The following LCOR variants were observed in gnomAD, a reference collection of about 807,000 sequenced individuals.
LCOR encodes ligand-dependent corepressor.
Under a neutral mutation model 64.4 loss-of-function variants are expected in LCOR, and 14 were observed. The observed-to-expected ratio is 0.22, with a 90% CI of 0.14 to 0.34. The LOEUF is 0.34. Among genes scored for constraint, LCOR ranks in the 10% least tolerant of loss-of-function variants. The probability of loss-of-function intolerance (pLI) is 1.00; values close to 1 mark genes in which losing one functional copy is unlikely to be tolerated. For synonymous variants in LCOR, 643 were observed against 642.5 expected, an observed-to-expected ratio of 1.00 and a Z score of -0.01; for missense variants, 1,686 against 1,765.3, an observed-to-expected ratio of 0.96 and a Z score of 0.80.
chr10:96,977,763 C>G lies in LCOR; in HGVS notation c.333-3030C>G, dbSNP rs578252878. ...CATAGCTCCCTGCAGCCTCGACCCC[C>G]TTGGCTCAAGCGATCCTCCTACCTT... On this transcript the variant is annotated intron_variant, in intron 7 of 7. Transcript: ENST00000421806. 4.6e-5 allele frequency among the ~76,000 whole-genome samples: 7 copies of G among 152,248 alleles called. No individual in the cohort carries two copies. The South Asian group carries it at 1.2e-3, about 27-fold the overall frequency.
At chr10:96,864,415 G>A (rs1845936847) in intron 2 of LCOR, among the ~76,000 whole-genome samples, 1 of 152,134 alleles carries the variant, frequency 6.6e-6, no homozygotes, top group Non-Finnish European at 1.5e-5. Context: ...TGGTGTGGTT[G>A]GATTGTATTT....
At chr10:96,945,862 T>G (rs1345383492) in intron 5 of LCOR, among the ~76,000 whole-genome samples, 5 of 152,074 alleles carry the variant, frequency 3.3e-5, no homozygotes, top group Non-Finnish European at 7.4e-5. Flanking sequence ...CTGTCGTACT[T>G]TTCTGCTAGT....
At position 96,982,558 on chromosome 10, in the gene LCOR, G is replaced by A; in HGVS notation, c.2098G>A (p.Glu700Lys). Residue 700 changes from glutamate to lysine, a missense_variant, in exon 8 of 8, where the codon GAA becomes AAA. By Grantham distance (56) the Glu-to-Lys change is moderately conservative. This residue lies in a region of LCOR where 1,293 missense variants were observed against 1,410.4 expected (regional missense o/e 0.92). Transcript: ENST00000421806. ...HSPPEIVSREESPQCSENQSS... is the reference protein window; with the variant it reads ...HSPPEIVSREKSPQCSENQSS... ...TCCTCCTGAAATAGTCAGTAGAGAA[G>A]AAAGTCCTCAGTGCTCAGAAAATCA... is the stretch of plus-strand genomic sequence containing the variant. 1 of 1,614,132 alleles carries A rather than the reference G, an allele frequency of 6.2e-7. No homozygotes were observed. The highest frequency in any genetic ancestry group is 8.5e-7 in the Non-Finnish European group (1 of 1,180,032).
At chr10:96,906,725 A>G (rs1220074067) in intron 2 of LCOR, among the ~76,000 whole-genome samples, 1 of 152,166 alleles carries the variant, frequency 6.6e-6, no homozygotes, top group African/African-American at 2.4e-5. Context: ...TATTGTGGCA[A>G]TGTTAAATAC....
Position 96,982,673 on chromosome 10 carries a change from C to T in LCOR, c.2213C>T (p.Thr738Ile). ...AGTGCTGAGGTTGAGTCTGGAGACA[C>T]CCAGGAGCTAAATGTCGACCCACTC... ...SISAEVESGD[T>I]QELNVDPLLK... Residue 738 changes from threonine to isoleucine, a missense_variant, in exon 8 of 8, where the codon ACC (threonine) becomes ATC (isoleucine). Physicochemically the swap from Thr to Ile is moderately conservative, Grantham distance 89 (BLOSUM62 -1). Transcript: ENST00000421806. The T allele has an allele frequency of 3.7e-6, 6 of 1,614,074 alleles. No individual in the cohort carries two copies.
Position 96,983,717 on chromosome 10 carries a change from A to G in LCOR, c.3257A>G (p.Asp1086Gly). The change falls in exon 8 of 8, where the codon GAC becomes GGC. Residue 1086 changes from aspartate to glycine, a missense_variant. Around this residue, in one of 3 missense-constraint regions of LCOR, gnomAD observed 1,293 missense variants for 1,410.4 expected, o/e 0.92. Transcript: ENST00000421806. The surrounding 1 kb of genome is among the most constrained non-coding windows in gnomAD (Gnocchi z 4.5). ...GAGAGTGGAGACCCCCTAGATGAGG[A>G]CGATGTTGACACCGTGGTAGATGAA... is the stretch of plus-strand genomic sequence containing the variant. ...ASESGDPLDE[D>G]DVDTVVDEQP... The G allele has an allele frequency of 1.2e-6, 2 of 1,614,184 alleles. No individual in the cohort carries two copies. The highest frequency in any genetic ancestry group is 4.5e-5 in the East Asian group (2 of 44,876).
chr10:96,964,119 GT>G (rs995083567), intron 7 of LCOR: 76 of 152,026 alleles, frequency 5.0e-4, no homozygotes, highest in African/African-American at 1.6e-3. Context: ...CACAAATTAA[GT>G]TTTTTGGTTT....
intron 4 of LCOR, among the ~76,000 whole-genome samples, chr10:96,931,619 T>C (rs1456495711): frequency 6.6e-6 from 1 of 152,124 alleles, no homozygotes; most frequent in Admixed American, 6.6e-5. Context: ...ACTTAAAGGA[T>C]ATTGGGAAGT....
Position 96,955,535 on chromosome 10 carries a change from A to T in LCOR, c.332+3339A>T. 1.9e-6 allele frequency: 3 copies of T among 1,614,198 alleles called. No homozygotes were observed. In the African/African-American group the frequency reaches 4.0e-5, roughly 22 times the overall value. ...CAAAACAAAGTAGAAAAAGCATGTT[A>T]GATGCTGGACCCGATTCTTGGGGCT... On this transcript the variant is annotated intron_variant, in intron 7 of 7. Coordinates refer to ENST00000421806, the MANE Select transcript of LCOR (RefSeq NM_001346516.2).
chr10:96,883,522 G>A (rs141177983), intron 2 of LCOR, among the ~76,000 whole-genome samples: 3 of 152,314 alleles, frequency 2.0e-5, no homozygotes, highest in East Asian at 3.9e-4. Flanking sequence ...GGTGTTGTCC[G>A]TGTTCTGGAT....
chr10:96,834,485 C>A (rs755932853), intron 2 of LCOR, among the ~76,000 whole-genome samples: 8 of 152,038 alleles, frequency 5.3e-5, no homozygotes, highest in Non-Finnish European at 7.4e-5. Flanking sequence ...AATGTTACGT[C>A]GGTTTAAGTA....
chr10:96,844,125 C>G (rs1195130878), intron 2 of LCOR, among the ~76,000 whole-genome samples: 1 of 111,226 alleles, frequency 9.0e-6, no homozygotes, highest in Non-Finnish European at 1.8e-5. Context: ...CCCTCCCTCC[C>G]TTCCTTCCCT....
intron 4 of LCOR, among the ~76,000 whole-genome samples, chr10:96,919,389 T>TA (rs767127012): frequency 3.2e-4 from 48 of 152,152 alleles, no homozygotes; most frequent in Non-Finnish European, 5.9e-4. Flanking sequence ...TCCCCTCAAT[T>TA]ATGAAAGCTT....
chr10:96,966,829 G>A (rs898785775), intron 7 of LCOR, among the ~76,000 whole-genome samples: 3 of 152,150 alleles, frequency 2.0e-5, no homozygotes, highest in Non-Finnish European at 4.4e-5. Flanking sequence ...TCGACCTGCT[G>A]GGCTTACGTG....
chr10:96,865,101 T>C (rs1316304214), intron 2 of LCOR, among the ~76,000 whole-genome samples: 1 of 152,160 alleles, frequency 6.6e-6, no homozygotes, highest in African/African-American at 2.4e-5. Context: ...GAAAGGACTA[T>C]AGGATATCAA....
At chr10:96,971,770 A>G (rs907721231) in intron 7 of LCOR, among the ~76,000 whole-genome samples, 1 of 152,146 alleles carries the variant, frequency 6.6e-6, no homozygotes, top group Non-Finnish European at 1.5e-5. Flanking sequence ...AAGAAAGTCA[A>G]CCCTTGTAGT....
At chr10:96,881,332 A>T (rs879275084) in intron 2 of LCOR, among the ~76,000 whole-genome samples, 2 of 152,226 alleles carry the variant, frequency 1.3e-5, no homozygotes, top group African/African-American at 4.8e-5. Flanking sequence ...CAGTTTAATG[A>T]TGGTTAACTG....
chr10:96,976,528 C>T (rs1423868150), intron 7 of LCOR, among the ~76,000 whole-genome samples: 1 of 152,112 alleles, frequency 6.6e-6, no homozygotes, highest in Non-Finnish European at 1.5e-5. Context: ...GCCATATGGC[C>T]ATGGTTGTTG....
At chr10:96,891,731 A>G (rs61858085) in intron 2 of LCOR, among the ~76,000 whole-genome samples, 233 of 151,594 alleles carry the variant, frequency 1.5e-3, no homozygotes, top group Non-Finnish European at 2.5e-3. Context: ...TTAGTTAGAG[A>G]CAGGTTTTTA....
Sources: gnomAD v4.1 joint callset for allele counts (sites outside exome capture counted in the v4.1 genomes callset) on GRCh38, gnomAD v4.1.1 for gene constraint, gnomAD v4.1.1 regional missense constraint, Gnocchi (gnomAD v3.1) non-coding constraint, MANE v1.5 for transcripts, NCBI Gene and HGNC (gene_info 2026-07-23, HGNC 2026-07-21) for gene names.